The following LARGE1 variants were observed in gnomAD, a reference collection of about 807,000 sequenced individuals.
The protein encoded by LARGE1 is LARGE xylosyl- and glucuronyltransferase 1.
Under a neutral mutation model 87.6 loss-of-function variants are expected in LARGE1, and 43 were observed. The observed-to-expected ratio is 0.49, with a 90% CI of 0.38 to 0.63. LARGE1 has a LOEUF of 0.63. LARGE1 is among the 30% of genes least tolerant of loss of function. The pLI is 0.00. For synonymous variants in LARGE1, 434 were observed against 394.6 expected (o/e 1.10, Z -1.18); for missense variants, 802 against 1,000.2 (o/e 0.80, Z 2.67).
At chr22:33,107,090 A>G in the LARGE1 span, among the ~76,000 whole-genome samples, 1 of 152,244 alleles carries the variant, frequency 6.6e-6, no homozygotes, top group African/African-American at 2.4e-5. Context: ...CAAAAGAGTA[A>G]GAGACTAAAT....
chr22:33,247,238 T>C (rs1038429270), intron 11 of LARGE1, among the ~76,000 whole-genome samples: 2 of 152,224 alleles, frequency 1.3e-5, no homozygotes, highest in Non-Finnish European at 2.9e-5. Context: ...TTCTTTGTGA[T>C]TTAATTACTT....
chr22:33,316,844 T>C (rs1936214428), intron 10 of LARGE1, among the ~76,000 whole-genome samples: 1 of 152,130 alleles, frequency 6.6e-6, no homozygotes, highest in Non-Finnish European at 1.5e-5. Flanking sequence ...CTGAAAAACA[T>C]ATAACCAACC....
At chr22:33,272,471 C>T (rs1928345842), downstream of LARGE1, among the ~76,000 whole-genome samples, 2 of 151,768 alleles carry the variant, frequency 1.3e-5, no homozygotes, top group African/African-American at 4.8e-5. Context: ...AGAAGCTGGC[C>T]TGGCACACCA....
At chr22:33,161,145 C>T (rs763420686), downstream of LARGE1, among the ~76,000 whole-genome samples, 3 of 152,072 alleles carry the variant, frequency 2.0e-5, no homozygotes, top group South Asian at 2.1e-4. Context: ...GGGAAAAGCC[C>T]GTTATAAAAC....
chr22:33,650,700 C>G, intron 2 of LARGE1, 32 bp from the exon 3 acceptor site: 3 of 1,596,788 alleles, frequency 1.9e-6, no homozygotes. Context: ...AAGCTTTAAT[C>G]TGGATGAACC....
intron 2 of LARGE1, among the ~76,000 whole-genome samples, chr22:33,722,417 T>G (rs1245534418): frequency 6.6e-6 from 1 of 151,814 alleles, no homozygotes; most frequent in Non-Finnish European, 1.5e-5. Context: ...ACTTTGTCAA[T>G]TATAAGTCAT....
intron 9 of LARGE1, among the ~76,000 whole-genome samples, chr22:33,376,038 C>A (rs1404485547): frequency 6.6e-6 from 1 of 152,188 alleles, no homozygotes; most frequent in Non-Finnish European, 1.5e-5. Flanking sequence ...AAGCCAATAT[C>A]ACCGTAGGAA....
intron 1 of LARGE1, among the ~76,000 whole-genome samples, chr22:33,909,304 A>T (rs2065551739): frequency 1.3e-5 from 2 of 152,188 alleles, no homozygotes; most frequent in Non-Finnish European, 2.9e-5. Context: ...CTCCTGTAAC[A>T]GTTCCAGCCT....
chr22:33,383,820 G>A (rs886078375), intron 8 of LARGE1, among the ~76,000 whole-genome samples: 3 of 152,182 alleles, frequency 2.0e-5, no homozygotes, highest in Non-Finnish European at 4.4e-5. Context: ...CAGAGAGCAG[G>A]CCCTGTGCAC....
chr22:33,529,821 C>T (rs1032553379), intron 6 of LARGE1, among the ~76,000 whole-genome samples: 5 of 152,160 alleles, frequency 3.3e-5, no homozygotes, highest in African/African-American at 4.8e-5. Context: ...AAGATTATTT[C>T]TCCTTTCTGA....
intron 3 of LARGE1, among the ~76,000 whole-genome samples, chr22:33,627,161 T>A (rs1018893058): frequency 1.3e-5 from 2 of 152,228 alleles, no homozygotes; most frequent in African/African-American, 4.8e-5. Flanking sequence ...AATATACTCA[T>A]CTGTTTACGC....
At chr22:33,481,332 G>GT (rs1004365785) in intron 6 of LARGE1, among the ~76,000 whole-genome samples, 28 of 150,964 alleles carry the variant, frequency 1.9e-4, no homozygotes, top group African/African-American at 6.1e-4. Flanking sequence ...GTGAAGTAGA[G>GT]TTTTTTTTAT....
intron 6 of LARGE1, among the ~76,000 whole-genome samples, chr22:33,450,043 C>T (rs1253046066): frequency 6.6e-6 from 1 of 151,978 alleles, no homozygotes; most frequent in African/African-American, 2.4e-5. Flanking sequence ...TCCCAAGTAG[C>T]TGGAACTACA....
chr22:33,751,490 A>C (rs923291129), intron 2 of LARGE1, among the ~76,000 whole-genome samples: 1 of 151,892 alleles, frequency 6.6e-6, no homozygotes, highest in African/African-American at 2.4e-5. Context: ...ATCTCAAAAA[A>C]AAAAAAACAA....
intron 9 of LARGE1, among the ~76,000 whole-genome samples, chr22:33,372,825 GTTAC>G (rs1249322647): frequency 1.3e-5 from 2 of 152,150 alleles, no homozygotes; most frequent in Admixed American, 1.3e-4. Context: ...CAGTTCAGAG[GTTAC>G]TTAAAGGTTG....
At chr22:33,451,756 A>G (rs1368978207) in intron 6 of LARGE1, among the ~76,000 whole-genome samples, 2 of 151,964 alleles carry the variant, frequency 1.3e-5, no homozygotes, top group East Asian at 3.9e-4. Context: ...ACGGGGTTTC[A>G]CCATGTTGGG....
intron 11 of LARGE1, among the ~76,000 whole-genome samples, chr22:33,258,056 T>C (rs1927410932): frequency 6.6e-6 from 1 of 151,920 alleles, no homozygotes; most frequent in Non-Finnish European, 1.5e-5. Context: ...GACTACAGAG[T>C]CCTGCTCTGT....
the LARGE1 span, among the ~76,000 whole-genome samples, chr22:33,153,257 G>A: frequency 6.6e-6 from 1 of 151,850 alleles, no homozygotes; most frequent in Non-Finnish European, 1.5e-5. Context: ...TAAACTCCTG[G>A]GCTCAAGTGA....
At position 33,509,389 on chromosome 22, in the gene LARGE1, A is replaced by G. The variant is rs572255670; in HGVS notation, c.787+55459T>C. Reference sequence around the variant, plus strand: ...AACAATTGTCTTGGAGGTCCCAAGCACACATTCCATTGCAAGGATGAAATG... The same window carrying G: ...AACAATTGTCTTGGAGGTCCCAAGCGCACATTCCATTGCAAGGATGAAATG... On this transcript the variant is annotated intron_variant, in intron 6 of 14. Coordinates refer to ENST00000397394, the MANE Select transcript of LARGE1 (RefSeq NM_133642.5). 1.4e-4 allele frequency among the ~76,000 whole-genome samples: 22 copies of G among 152,270 alleles called. No individual in the cohort carries two copies. The South Asian group carries it at 1.9e-3, about 13-fold the overall frequency.
Sources: allele counts gnomAD v4.1 joint callset (sites outside exome capture counted in the v4.1 genomes callset), GRCh38; gene constraint gnomAD v4.1.1; transcripts MANE v1.5; gene names NCBI Gene and HGNC (gene_info 2026-07-23, HGNC 2026-07-21).